The following EIF4E2 variants were observed in gnomAD, a reference collection of about 807,000 sequenced individuals.
EIF4E2 encodes eukaryotic translation initiation factor 4E type 2.
In EIF4E2, 13 loss-of-function variants were observed where a neutral mutation model predicts 34.2. The ratio of observed to expected loss-of-function variants is 0.38; its 90% CI spans 0.25 to 0.60. The LOEUF is 0.60. Ranked by LOEUF, EIF4E2 falls within the 20% of genes least tolerant of loss-of-function variation. EIF4E2 has a pLI of 0.62. For missense variants in EIF4E2, 222 were observed against 315.1 expected (o/e 0.70, Z 2.24); for synonymous variants, 100 against 106.6 (o/e 0.94, Z 0.38).
chr2:232,570,551 GA>G (rs1207208166), downstream of EIF4E2, among the ~76,000 whole-genome samples: 1 of 152,182 alleles, frequency 6.6e-6, no homozygotes, highest in Non-Finnish European at 1.5e-5. Flanking sequence ...TTGTCAATAT[GA>G]ACAAAAGTCA....
chr2:232,571,156 T>C (rs1276668173), downstream of EIF4E2, among the ~76,000 whole-genome samples: 1 of 152,228 alleles, frequency 6.6e-6, no homozygotes, highest in Non-Finnish European at 1.5e-5. Context: ...CCAGTCACAC[T>C]GCTTGTGGCC....
At chr2:232,564,423 C>A in intron 4 of EIF4E2, 72 bp downstream of exon 4, 2 of 791,944 alleles carry the variant, frequency 2.5e-6, no homozygotes, top group Non-Finnish European at 4.0e-6. Context: ...TTAGCCCTGC[C>A]AAGGTTAAAA....
In EIF4E2 at chr2:232,558,077, TATG is replaced by T. The variant is rs1692587985; in HGVS notation, c.270+63_270+65del. ...GATAGTTCGTTCATGCCTGTATTGA[TATG>T]ATGTTTATTTACTTTCCTAGTAACC... is the stretch of plus-strand genomic sequence containing the variant. On this transcript the variant is annotated intron_variant, in intron 3 of 6. Coordinates refer to ENST00000258416, the MANE Select transcript of EIF4E2 (RefSeq NM_004846.4). 7.6e-6 allele frequency: 12 copies of T among 1,571,106 alleles called. No homozygotes were observed. In the South Asian group the frequency reaches 1.2e-4, roughly 16 times the overall value.
At position 232,566,923 on chromosome 2, in the gene EIF4E2, G is replaced by C; in HGVS notation, c.470G>C (p.Gly157Ala). 2 of 1,612,340 alleles carry C rather than the reference G, an allele frequency of 1.2e-6. No individual in the cohort carries two copies. Among genetic ancestry groups the C allele is most frequent in the Non-Finnish European group, 1.7e-6 (2 of 1,179,194 alleles). ...GAGAATCTCATTTTGGCCATGCTGG[G>C]GGAACAGTTCATGGTTGGGGAGGAG... ...CWENLILAML[G>A]EQFMVGEEIC... Residue 157 changes from glycine to alanine, a missense_variant, in exon 5 of 7, where the codon GGG (glycine) becomes GCG (alanine). This residue lies in a region of EIF4E2 where 105 missense variants were observed against 195.1 expected (regional missense o/e 0.54). Transcript: ENST00000258416. This position sits in a 1 kb window ranked among gnomAD's most constrained non-coding sequence, Gnocchi z 4.9.
At chr2:232,560,501 C>T (rs926350773) in intron 3 of EIF4E2, among the ~76,000 whole-genome samples, 2 of 152,168 alleles carry the variant, frequency 1.3e-5, no homozygotes, top group African/African-American at 4.8e-5. Context: ...CTTGGCTGGG[C>T]GTGGTGGCTC....
chr2:232,559,252 G>T (rs1405829405), intron 3 of EIF4E2, among the ~76,000 whole-genome samples: 1 of 133,614 alleles, frequency 7.5e-6, no homozygotes, highest in Non-Finnish European at 1.6e-5. Flanking sequence ...CAGTGTAGTT[G>T]TATGCTAGAT....
At chr2:232,555,096 A>G (rs1692476223) in intron 1 of EIF4E2, among the ~76,000 whole-genome samples, 2 of 152,282 alleles carry the variant, frequency 1.3e-5, no homozygotes, top group African/African-American at 2.4e-5. Context: ...ATTCATTCTA[A>G]TATTTATTGG....
At chr2:232,573,110 G>A (rs928787403), downstream of EIF4E2, among the ~76,000 whole-genome samples, 2 of 152,328 alleles carry the variant, frequency 1.3e-5, no homozygotes, top group East Asian at 1.9e-4. Context: ...GTGTCTTGCT[G>A]TGGACACTGA....
At chr2:232,577,116 A>G (rs1693243306) in intron 6 of EIF4E2, among the ~76,000 whole-genome samples, 1 of 152,216 alleles carries the variant, frequency 6.6e-6, no homozygotes, top group Non-Finnish European at 1.5e-5. Context: ...GTGAGTCTGT[A>G]TTGTTGGGAA....
chr2:232,559,385 C>T (rs758476537), intron 3 of EIF4E2, among the ~76,000 whole-genome samples: 7 of 151,000 alleles, frequency 4.6e-5, no homozygotes, highest in African/African-American at 1.5e-4. Context: ...GTAACAATCA[C>T]GGTTTTCTCC....
At chr2:232,574,421 C>T (rs1693161269) in intron 6 of EIF4E2, 1 of 1,420,662 alleles carries the variant, frequency 7.0e-7, no homozygotes. Flanking sequence ...TACCCCCAAA[C>T]TTGCCTCTAC....
intron 4 of EIF4E2, among the ~76,000 whole-genome samples, chr2:232,564,912 T>A (rs1692867208): frequency 1.3e-5 from 2 of 152,248 alleles, no homozygotes; most frequent in Non-Finnish European, 2.9e-5. Context: ...ATTAGAACAT[T>A]AAAGGATTTT....
intron 6 of EIF4E2, chr2:232,580,789 G>C (rs750604663): frequency 7.9e-5 from 72 of 909,726 alleles, no homozygotes; most frequent in Non-Finnish European, 1.1e-4. Context: ...AAGGCCCCGG[G>C]ATATGTCATG....
chr2:232,576,730 C>T (rs887059583), intron 6 of EIF4E2, among the ~76,000 whole-genome samples: 3 of 152,148 alleles, frequency 2.0e-5, no homozygotes, highest in African/African-American at 7.2e-5. Context: ...TTGATTTAAC[C>T]TCGCTGTAAG....
At chr2:232,582,972 T>TA (rs1693394616) in exon 7 of EIF4E2, 1 of 152,206 alleles carries the variant, frequency 6.6e-6, no homozygotes, top group Non-Finnish European at 1.5e-5. Context: ...GGCAGCATCT[T>TA]ACGCCCAGTG....
chr2:232,564,693 C>T (rs1018708843), intron 4 of EIF4E2, among the ~76,000 whole-genome samples: 5 of 152,180 alleles, frequency 3.3e-5, no homozygotes, highest in African/African-American at 9.6e-5. Context: ...CCTCGTGATC[C>T]GCCCGCCTTG....
At chr2:232,553,351 C>G (rs2049722) in intron 1 of EIF4E2, among the ~76,000 whole-genome samples, 80,705 of 152,054 alleles carry the variant, frequency 0.53, 22,081 homozygotes, top group Middle Eastern at 0.69. Flanking sequence ...GGGCCCATTC[C>G]TAACTATTGT....
chr2:232,551,794 T>G (rs1434722017), intron 1 of EIF4E2, among the ~76,000 whole-genome samples: 1 of 152,190 alleles, frequency 6.6e-6, no homozygotes, highest in Admixed American at 6.5e-5. Context: ...GTGTTTCCAA[T>G]ACAGAGAGTA....
intron 2 of EIF4E2, 86 bp from the exon 3 acceptor site, chr2:232,557,798 G>A: frequency 1.4e-6 from 2 of 1,447,880 alleles, no homozygotes; most frequent in Non-Finnish European, 1.9e-6. Context: ...TTGTGGAGGT[G>A]GTAAGGATTG....
Sources: gnomAD v4.1 joint callset for allele counts (sites outside exome capture counted in the v4.1 genomes callset) on GRCh38, gnomAD v4.1.1 for gene constraint, gnomAD v4.1.1 regional missense constraint, Gnocchi (gnomAD v3.1) non-coding constraint, MANE v1.5 for transcripts, NCBI Gene and HGNC (gene_info 2026-07-23, HGNC 2026-07-21) for gene names.